Variants in PRKN observed in about 807,000 individuals in gnomAD.
The protein encoded by PRKN is E3 ubiquitin-protein ligase parkin.
PRKN carries 56 observed loss-of-function variants against 59.5 expected under a neutral mutation model. That is an observed-to-expected ratio of 0.94 (90% CI 0.76 to 1.18). The LOEUF is 1.18. Among genes scored for constraint, PRKN ranks in the 50% most tolerant of loss-of-function variants. The probability of loss-of-function intolerance (pLI) is 0.00; values close to 1 mark genes in which losing one functional copy is unlikely to be tolerated. For synonymous variants in PRKN, 250 were observed against 222.1 expected (o/e 1.13, Z -1.12); for missense variants, 657 against 596.4 (o/e 1.10, Z -1.06).
chr6:161,733,936 C>T (rs546692725), intron 7 of PRKN, among the ~76,000 whole-genome samples: 1 of 145,070 alleles, frequency 6.9e-6, no homozygotes, highest in South Asian at 2.2e-4. Flanking sequence ...TTTAAATGAC[C>T]TCTCTTTTAT....
At position 161,447,566 on chromosome 6, in the gene PRKN, T is replaced by C. The variant is rs1346481237; in HGVS notation, c.1084-60689A>G. Among the ~76,000 whole-genome samples the C allele has an allele frequency of 6.6e-6, 1 of 152,158 alleles. No homozygotes were observed. The highest frequency in any genetic ancestry group is 1.5e-5 in the Non-Finnish European group (1 of 68,028). On this transcript the variant is annotated intron_variant, in intron 9 of 11. Transcript: ENST00000366898. This position sits in a 1 kb window ranked among gnomAD's most constrained non-coding sequence, Gnocchi z 4.1. ...TGGAGTGCAGTGGAGTGATCTCAGC[T>C]CACTGCAACCTCCGCCTCCCGGGTT...
intron 6 of PRKN, among the ~76,000 whole-genome samples, chr6:161,856,828 T>C (rs1793675130): frequency 6.6e-6 from 1 of 152,228 alleles, no homozygotes; most frequent in Non-Finnish European, 1.5e-5. Context: ...ACTAAAATAC[T>C]GGGCTTTATA....
At chr6:162,460,328 AGAGTGCATTAGT>A (rs1437582599) in intron 1 of PRKN, among the ~76,000 whole-genome samples, 16 of 152,202 alleles carry the variant, frequency 1.1e-4, no homozygotes, top group Admixed American at 7.9e-4. Context: ...ATAGACACAG[AGAGTGCATTAGT>A]GATTGCCTAA....
chr6:162,562,135 A>G (rs12194834), intron 1 of PRKN, among the ~76,000 whole-genome samples: 47,040 of 151,940 alleles, frequency 0.31, 7,810 homozygotes, highest in East Asian at 0.54. Context: ...AACAGACTGA[A>G]TTGTGAGGCC....
rs116128895 is a variant in PRKN, at chr6:162,561,418, C to T, written c.8-117945G>A. ...AAGATGGTAGAATAGAAAGCTCCAC[C>T]GTTCGTCCCCCGACCCCGCAAGGAC... On this transcript the variant is annotated intron_variant, in intron 1 of 11. Transcript: ENST00000366898. Among the ~76,000 whole-genome samples, 606 of 152,110 alleles carry T rather than the reference C, an allele frequency of 4.0e-3. 5 individuals carry two copies. The highest frequency in any genetic ancestry group is 0.013 in the African/African-American group (560 of 41,492).
chr6:161,439,959 T>G (rs762994569), intron 9 of PRKN, among the ~76,000 whole-genome samples: 6 of 34,102 alleles, frequency 1.8e-4, no homozygotes, highest in African/African-American at 3.3e-4. Flanking sequence ...TTGTTTTTTG[T>G]TTTTTTTTTT....
At chr6:162,210,750 A>C (rs1378774222) in intron 3 of PRKN, among the ~76,000 whole-genome samples, 1 of 152,164 alleles carries the variant, frequency 6.6e-6, no homozygotes, top group East Asian at 1.9e-4. Context: ...TGGACTGCAG[A>C]AAAGTTAGGA....
intron 9 of PRKN, among the ~76,000 whole-genome samples, chr6:161,438,329 T>C (rs9347513): frequency 0.39 from 58,786 of 150,062 alleles, 13,563 homozygotes; most frequent in East Asian, 0.85. Flanking sequence ...GTGATTCTCC[T>C]GCCTCAGCCT....
chr6:161,368,382 GATATATAT>G (rs34367069), intron 10 of PRKN, among the ~76,000 whole-genome samples: 2 of 99,328 alleles, frequency 2.0e-5, no homozygotes, highest in African/African-American at 4.0e-5. Flanking sequence ...CCTCAGTCTT[GATATATAT>G]ATATATATAT....
chr6:161,925,215 T>C (rs767430155), intron 6 of PRKN, among the ~76,000 whole-genome samples: 1 of 152,188 alleles, frequency 6.6e-6, no homozygotes, highest in Non-Finnish European at 1.5e-5. Context: ...TGGGCTAATA[T>C]AAAATTACAC....
In PRKN at chr6:161,510,881, T is replaced by C. The variant is rs117366735; in HGVS notation, c.1083+37973A>G. 8.7e-3 allele frequency among the ~76,000 whole-genome samples: 1,322 copies of C among 152,252 alleles called. 6 individuals carry two copies. The highest frequency in any genetic ancestry group is 0.013 in the Non-Finnish European group (868 of 68,030). On this transcript the variant is annotated intron_variant, in intron 9 of 11. Transcript: ENST00000366898. ...TGGCCCTCCTTTCCCCTGTGGCCAT[T>C]TTTGCAGGAGAGGGTGTTGACCGTA...
At chr6:162,242,838 G>A (rs374822913) in intron 3 of PRKN, among the ~76,000 whole-genome samples, 3 of 151,984 alleles carry the variant, frequency 2.0e-5, no homozygotes, top group Admixed American at 6.6e-5. Context: ...CCTTATTACC[G>A]TAGAAAACTG....
At chr6:161,621,959 T>C (rs1189693113) in intron 7 of PRKN, among the ~76,000 whole-genome samples, 2 of 152,312 alleles carry the variant, frequency 1.3e-5, no homozygotes, top group South Asian at 2.1e-4. Context: ...CACCTTCCGC[T>C]TAAGCCACCC....
intron 2 of PRKN, among the ~76,000 whole-genome samples, chr6:162,338,524 G>A (rs1363360372): frequency 2.0e-5 from 3 of 152,214 alleles, no homozygotes; most frequent in Admixed American, 2.0e-4. Context: ...GAGGTGCCGG[G>A]ATTGCAGACG....
At chr6:162,701,274 A>T (rs1180351122) in intron 1 of PRKN, among the ~76,000 whole-genome samples, 1 of 152,178 alleles carries the variant, frequency 6.6e-6, no homozygotes, top group African/African-American at 2.4e-5. Context: ...AGCAATGCTT[A>T]AAAGAGATAA....
chr6:161,680,858 A>C (rs1785335087), intron 7 of PRKN, among the ~76,000 whole-genome samples: 1 of 150,150 alleles, frequency 6.7e-6, no homozygotes, highest in African/African-American at 2.5e-5. Context: ...ACTAAATCAA[A>C]GACTTTAATA....
rs1779046323 is a variant in PRKN at position 161,527,182 on chromosome 6, CT to C, written c.1083+21671del. Among the ~76,000 whole-genome samples the C allele has an allele frequency of 1.3e-5, 2 of 152,254 alleles. No individual in the cohort carries two copies. Among genetic ancestry groups the C allele is most frequent in the South Asian group, 4.1e-4 (2 of 4,830 alleles). ...TATTTTCCTTTATAGATATAGATTT[CT>C]TTTACAAAAGAACAGCTATTCAGAG... On this transcript the variant is annotated intron_variant, in intron 9 of 11. Transcript: ENST00000366898. The surrounding 1 kb of genome is among the most constrained non-coding windows in gnomAD (Gnocchi z 4.6).
intron 6 of PRKN, among the ~76,000 whole-genome samples, chr6:161,866,254 TAATGAA>T (rs1794105517): frequency 6.6e-6 from 1 of 151,586 alleles, no homozygotes; most frequent in Admixed American, 6.6e-5. Context: ...GATATAATAA[TAATGAA>T]AAAGTTAAAT....
Position 161,545,927 on chromosome 6 carries a change from G to A in PRKN, c.1083+2927C>T, listed in dbSNP as rs1779778976. On this transcript the variant is annotated intron_variant, in intron 9 of 11. Coordinates refer to ENST00000366898, the MANE Select transcript of PRKN (RefSeq NM_004562.3). This position sits in a 1 kb window ranked among gnomAD's most constrained non-coding sequence, Gnocchi z 4.1. ...ACAGGCATCACATTTCCTGTGTAAC[G>A]ATCACAATATAAACAAATGGCATGG... Among the ~76,000 whole-genome samples the A allele has an allele frequency of 1.3e-5, 2 of 152,148 alleles. No homozygotes were observed. Among genetic ancestry groups the A allele is most frequent in the South Asian group, 2.1e-4 (1 of 4,828 alleles).
Sources: gnomAD v4.1 joint callset for allele counts (sites outside exome capture counted in the v4.1 genomes callset) on GRCh38, gnomAD v4.1.1 for gene constraint, Gnocchi (gnomAD v3.1) non-coding constraint, MANE v1.5 for transcripts, NCBI Gene and HGNC (gene_info 2026-07-23, HGNC 2026-07-21) for gene names.